LINGO2: variants seen among roughly 807,000 people sequenced by gnomAD.
The protein encoded by LINGO2 is leucine rich repeat and Ig domain containing 2.
LINGO2 carries 14 observed loss-of-function variants against 30.6 expected under a neutral mutation model. That is an observed-to-expected ratio of 0.46 (90% CI 0.30 to 0.72). The LOEUF is 0.72. Among genes scored for constraint, LINGO2 ranks in the 30% least tolerant of loss-of-function variants. The probability of loss-of-function intolerance (pLI) is 0.07; values close to 1 mark genes in which losing one functional copy is unlikely to be tolerated. For missense variants in LINGO2, 729 were observed against 751.7 expected, an observed-to-expected ratio of 0.97 and a Z score of 0.35; for synonymous variants, 317 against 288.5, an observed-to-expected ratio of 1.10 and a Z score of -1.00.
At chr9:28,502,175 C>G (rs1360279917) in intron 1 of LINGO2, among the ~76,000 whole-genome samples, 1 of 151,456 alleles carries the variant, frequency 6.6e-6, no homozygotes. Context: ...CACACACACA[C>G]ATTTCTGTGG....
chr9:28,071,328 G>C (rs1206640320), intron 4 of LINGO2, among the ~76,000 whole-genome samples: 1 of 152,038 alleles, frequency 6.6e-6, no homozygotes, highest in Admixed American at 6.6e-5. Context: ...ATATGGAGTA[G>C]GCTATGTTCT....
At chr9:28,291,034 C>T (rs946684749) in intron 4 of LINGO2, among the ~76,000 whole-genome samples, 1 of 152,208 alleles carries the variant, frequency 6.6e-6, no homozygotes, top group Non-Finnish European at 1.5e-5. Flanking sequence ...GAATTATCCA[C>T]TGGGATTAGG....
the LINGO2 span, among the ~76,000 whole-genome samples, chr9:28,923,638 C>A: frequency 1.5e-4 from 22 of 151,658 alleles, no homozygotes; most frequent in Admixed American, 3.3e-4. Flanking sequence ...ATAGGCCACT[C>A]GGGATAATTG....
the LINGO2 span, among the ~76,000 whole-genome samples, chr9:28,943,016 C>A: frequency 1.3e-5 from 2 of 152,112 alleles, no homozygotes; most frequent in Non-Finnish European, 2.9e-5. Context: ...CAGTGACAGA[C>A]AGAATGATAA....
At chr9:28,407,183 A>T (rs1822547520) in intron 2 of LINGO2, among the ~76,000 whole-genome samples, 1 of 152,076 alleles carries the variant, frequency 6.6e-6, no homozygotes, top group Admixed American at 6.6e-5. Flanking sequence ...AGGACATAAG[A>T]AAGGGAAGAA....
intron 1 of LINGO2, among the ~76,000 whole-genome samples, chr9:28,594,679 T>C (rs1825088056): frequency 6.6e-6 from 1 of 152,116 alleles, no homozygotes; most frequent in Non-Finnish European, 1.5e-5. Flanking sequence ...GTTAATGAGT[T>C]TCCTAAATAG....
chr9:28,759,908 A>G, the LINGO2 span, among the ~76,000 whole-genome samples: 4 of 152,004 alleles, frequency 2.6e-5, no homozygotes, highest in South Asian at 8.3e-4. Context: ...CACTTTAAGA[A>G]TGGCTATTCA....
intron 2 of LINGO2, among the ~76,000 whole-genome samples, chr9:28,381,635 T>C (rs1571845): frequency 0.92 from 140,062 of 152,138 alleles, 64,627 homozygotes; most frequent in South Asian, 0.98. Context: ...TTTATAAAGT[T>C]GCTCCATTAT....
chr9:29,135,264 AAT>A, the LINGO2 span, among the ~76,000 whole-genome samples: 3 of 152,126 alleles, frequency 2.0e-5, no homozygotes, highest in African/African-American at 7.2e-5. Flanking sequence ...ACTGTAAAAA[AAT>A]AGAGATTGTC....
chr9:28,374,228 A>ATATATATATATATATATATATG (rs1554713032), intron 2 of LINGO2, among the ~76,000 whole-genome samples: 1 of 146,982 alleles, frequency 6.8e-6, no homozygotes, highest in Admixed American at 6.8e-5. Flanking sequence ...ATATATATAT[A>ATATATATATATATATATATATG]TATGTAATAT....
chr9:28,699,048 A>AAAACAAAACG, the LINGO2 span, among the ~76,000 whole-genome samples: 2 of 150,500 alleles, frequency 1.3e-5, no homozygotes, highest in African/African-American at 5.0e-5. Context: ...CCTCAAAAAC[A>AAAACAAAACG]AAACAAAACA....
At chr9:28,577,413 C>G (rs1432737604) in intron 1 of LINGO2, among the ~76,000 whole-genome samples, 2 of 152,074 alleles carry the variant, frequency 1.3e-5, no homozygotes, top group South Asian at 2.1e-4. Flanking sequence ...GGATTCAGCC[C>G]ACGAGTACCA....
chr9:28,959,706 G>T, the LINGO2 span, among the ~76,000 whole-genome samples: 1 of 150,210 alleles, frequency 6.7e-6, no homozygotes. Context: ...ATCTAATACT[G>T]AATAGTGACA....
chr9:28,380,838 G>A (rs1821326901), intron 2 of LINGO2, among the ~76,000 whole-genome samples: 1 of 152,158 alleles, frequency 6.6e-6, no homozygotes, highest in South Asian at 2.1e-4. Context: ...AATTGGATGG[G>A]AAGAGAGAAG....
the LINGO2 span, among the ~76,000 whole-genome samples, chr9:28,905,145 T>G: frequency 6.6e-6 from 1 of 151,934 alleles, no homozygotes. Context: ...AGTAAAGATT[T>G]TAATTTAAGA....
At chr9:28,500,311 A>C (rs979470917) in intron 1 of LINGO2, among the ~76,000 whole-genome samples, 2 of 152,192 alleles carry the variant, frequency 1.3e-5, no homozygotes, top group Non-Finnish European at 2.9e-5. Flanking sequence ...ATAACTGACC[A>C]CATGTCCTTG....
At chr9:29,122,659 CT>C in the LINGO2 span, among the ~76,000 whole-genome samples, 1 of 152,030 alleles carries the variant, frequency 6.6e-6, no homozygotes, top group African/African-American at 2.4e-5. Flanking sequence ...CTACATTTTT[CT>C]TATTCACCTG....
rs1475367008 is a variant in LINGO2, at chr9:28,576,029, A to G, written c.-365+94171T>C. Among the ~76,000 whole-genome samples, 5 of 152,136 alleles carry G rather than the reference A, an allele frequency of 3.3e-5. No homozygotes were observed. In the East Asian group the frequency reaches 9.6e-4, roughly 29 times the overall value. On this transcript the variant is annotated intron_variant, in intron 1 of 5. Transcript: ENST00000379992. ...TTACAATGGGGTTATGTACTGATAA[A>G]TCGATTGTAAGTTGAAAATATTGTA...
At chr9:28,246,280 C>T (rs1049881086) in intron 4 of LINGO2, among the ~76,000 whole-genome samples, 5 of 151,866 alleles carry the variant, frequency 3.3e-5, no homozygotes, top group Middle Eastern at 3.2e-3. Flanking sequence ...CAAAATTAGC[C>T]GGGCATGGTG....
Sources: gnomAD v4.1 joint callset for allele counts (sites outside exome capture counted in the v4.1 genomes callset) on GRCh38, gnomAD v4.1.1 for gene constraint, MANE v1.5 for transcripts, NCBI Gene and HGNC (gene_info 2026-07-23, HGNC 2026-07-21) for gene names.